C11orf65: variants seen among roughly 807,000 people sequenced by gnomAD.
The protein encoded by C11orf65 is chromosome 11 open reading frame 65, also known as protein MFI.
C11orf65 carries 38 observed loss-of-function variants against 35.3 expected under a neutral mutation model. The observed-to-expected ratio is 1.08, with a 90% confidence interval of 0.83 to 1.41. The LOEUF (loss-of-function observed/expected upper bound fraction) is 1.41. Among genes scored for constraint, C11orf65 ranks in the 40% most tolerant of loss-of-function variants. The probability of loss-of-function intolerance (pLI) is 0.00; values close to 1 mark genes in which losing one functional copy is unlikely to be tolerated. For missense variants in C11orf65, 370 were observed against 367.1 expected (o/e 1.01, Z -0.06); for synonymous variants, 105 against 114.4 (o/e 0.92, Z 0.53).
At chr11:108,364,297 T>G (rs910343418) in intron 2 of C11orf65, among the ~76,000 whole-genome samples, 6 of 152,230 alleles carry the variant, frequency 3.9e-5, no homozygotes, top group African/African-American at 1.4e-4. Context: ...CTAAGATTTG[T>G]AAGCATTTGC....
At chr11:108,353,654 C>T in intron 2 of C11orf65, 2 of 840,710 alleles carry the variant, frequency 2.4e-6, no homozygotes, top group Admixed American at 1.8e-5. Context: ...TACTAGTGTT[C>T]ATAGAACGTA....
intron 6 of C11orf65, among the ~76,000 whole-genome samples, chr11:108,309,323 C>T (rs892687571): frequency 5.3e-5 from 8 of 152,196 alleles, no homozygotes; most frequent in African/African-American, 1.9e-4. Context: ...CTGAACTTAA[C>T]ATTCATCGGA....
chr11:108,468,228 G>C (rs1361137081), upstream of C11orf65, among the ~76,000 whole-genome samples: 1 of 152,206 alleles, frequency 6.6e-6, no homozygotes, highest in Non-Finnish European at 1.5e-5. Flanking sequence ...CAAGGTCAAA[G>C]AATACGTGAC....
chr11:108,466,337 G>A (rs914823324), intron 1 of C11orf65, among the ~76,000 whole-genome samples: 1 of 152,124 alleles, frequency 6.6e-6, no homozygotes, highest in Non-Finnish European at 1.5e-5. Context: ...ATTTTGGGAG[G>A]CCAAGGTGGG....
At chr11:108,355,023 G>C in intron 2 of C11orf65, 2 of 680,948 alleles carry the variant, frequency 2.9e-6, no homozygotes, top group Non-Finnish European at 5.1e-6. Flanking sequence ...TGTGCACTTA[G>C]CCTTTTCACA....
chr11:108,309,295 G>T (rs1228123709), intron 6 of C11orf65, among the ~76,000 whole-genome samples: 1 of 152,104 alleles, frequency 6.6e-6, no homozygotes, highest in Non-Finnish European at 1.5e-5. Context: ...CTTTCCATGG[G>T]GAAATTATTT....
At chr11:108,399,284 C>G (rs1472969263) in intron 6 of C11orf65, among the ~76,000 whole-genome samples, 2 of 152,166 alleles carry the variant, frequency 1.3e-5, no homozygotes, top group Non-Finnish European at 2.9e-5. Context: ...TATACCTCTA[C>G]CCTGACCTAT....
chr11:108,427,427 T>C (rs1164777858), intron 3 of C11orf65, among the ~76,000 whole-genome samples: 1 of 97,830 alleles, frequency 1.0e-5, no homozygotes, highest in Non-Finnish European at 2.0e-5. Context: ...AACAAACATA[T>C]TTTAAAAAGC....
chr11:108,407,198 T>C, intron 3 of C11orf65, 49 bp from the exon 4 acceptor site: 1 of 1,281,466 alleles, frequency 7.8e-7, no homozygotes, highest in Non-Finnish European at 1.1e-6. Context: ...GGATTCTGTA[T>C]GTATCAATTC....
chr11:108,347,453 T>C (rs992209657), intron 2 of C11orf65: 26 of 1,110,068 alleles, frequency 2.3e-5, no homozygotes, highest in Non-Finnish European at 3.4e-5. Context: ...ATTACAAATA[T>C]AAGAGACAGA....
intron 2 of C11orf65, among the ~76,000 whole-genome samples, chr11:108,441,827 C>T (rs2093159390): frequency 6.6e-6 from 1 of 152,206 alleles, no homozygotes; most frequent in Non-Finnish European, 1.5e-5. Flanking sequence ...ATGTCACCAT[C>T]ATCAAAGACC....
upstream of C11orf65, among the ~76,000 whole-genome samples, chr11:108,468,157 T>A (rs1591635547): frequency 1.3e-5 from 2 of 152,178 alleles, no homozygotes; most frequent in African/African-American, 4.8e-5. Flanking sequence ...ATTTAATTAG[T>A]TTAATTTATT....
At chr11:108,359,704 C>T (rs1207362300) in intron 2 of C11orf65, among the ~76,000 whole-genome samples, 4 of 152,038 alleles carry the variant, frequency 2.6e-5, no homozygotes, top group Non-Finnish European at 4.4e-5. Flanking sequence ...CTACTGGATA[C>T]ATAATGAAAT....
intron 2 of C11orf65, among the ~76,000 whole-genome samples, chr11:108,459,666 TAC>T (rs2093447607): frequency 6.6e-6 from 1 of 151,902 alleles, no homozygotes; most frequent in African/African-American, 2.4e-5. Context: ...ATTAACCTTC[TAC>T]ACAGTGTCGT....
chr11:108,440,931 G>A (rs777447071), intron 2 of C11orf65, among the ~76,000 whole-genome samples: 25 of 152,218 alleles, frequency 1.6e-4, no homozygotes, highest in East Asian at 3.9e-4. Context: ...AGGTGATTTC[G>A]GCATTTCCAA....
intron 6 of C11orf65, among the ~76,000 whole-genome samples, chr11:108,398,417 A>C (rs944350420): frequency 6.6e-6 from 1 of 152,244 alleles, no homozygotes; most frequent in Admixed American, 6.5e-5. Flanking sequence ...AGCTGAGACC[A>C]GAAGAAATAC....
At chr11:108,325,648 A>G in intron 6 of C11orf65, 3 of 969,596 alleles carry the variant, frequency 3.1e-6, no homozygotes, top group Non-Finnish European at 4.7e-6. Context: ...AGAGATAGAG[A>G]TCTCTATTAA....
At chr11:108,398,504 C>G (rs969963702) in intron 6 of C11orf65, among the ~76,000 whole-genome samples, 1 of 152,136 alleles carries the variant, frequency 6.6e-6, no homozygotes, top group African/African-American at 2.4e-5. Flanking sequence ...TAGAAATGCC[C>G]ACATAATTAG....
chr11:108,410,711 C>CTTTTT (rs35785036), intron 3 of C11orf65, among the ~76,000 whole-genome samples: 119 of 136,648 alleles, frequency 8.7e-4, no homozygotes, highest in African/African-American at 2.4e-3. Context: ...CTTCCTTTTA[C>CTTTTT]TTTTTTTTTT....
Sources: allele counts gnomAD v4.1 joint callset (sites outside exome capture counted in the v4.1 genomes callset), GRCh38; gene constraint gnomAD v4.1.1; transcripts MANE v1.5; gene names NCBI Gene and HGNC (gene_info 2026-07-23, HGNC 2026-07-21).